SNAP29: variants seen among roughly 807,000 people sequenced by gnomAD.
SNAP29 encodes synaptosome associated protein 29.
SNAP29 carries 13 observed loss-of-function variants against 27.9 expected under a neutral mutation model. That is an observed-to-expected ratio of 0.47 (90% CI 0.30 to 0.74). The LOEUF (loss-of-function observed/expected upper bound fraction) is 0.74, where lower values mean the gene tolerates loss of function less well. Ranked by LOEUF, SNAP29 falls within the 30% of genes least tolerant of loss-of-function variation. SNAP29 has a pLI of 0.06. For synonymous variants in SNAP29, 119 were observed against 127.1 expected (o/e 0.94, Z 0.43); for missense variants, 368 against 336.5 (o/e 1.09, Z -0.73).
At chr22:20,874,412 ATGGTGGTACG>A (rs1928688833) in intron 2 of SNAP29, among the ~76,000 whole-genome samples, 1 of 147,720 alleles carries the variant, frequency 6.8e-6, no homozygotes, top group Admixed American at 6.7e-5. Context: ...TTAGCCGGAC[ATGGTGGTACG>A]TGCTTGTGGT....
intron 4 of SNAP29, among the ~76,000 whole-genome samples, chr22:20,886,878 G>T (rs1466550404): frequency 1.3e-5 from 2 of 151,988 alleles, no homozygotes; most frequent in East Asian, 3.9e-4. Flanking sequence ...CTCTCAAAGT[G>T]CTGGGATTAC....
At chr22:20,865,169 A>G (rs1273569206) in intron 1 of SNAP29, among the ~76,000 whole-genome samples, 2 of 151,976 alleles carry the variant, frequency 1.3e-5, no homozygotes, top group Non-Finnish European at 2.9e-5. Flanking sequence ...AGCCTGGGGA[A>G]TGTGGTAAAA....
At chr22:20,862,288 G>A (rs1203960961) in intron 1 of SNAP29, among the ~76,000 whole-genome samples, 1 of 152,200 alleles carries the variant, frequency 6.6e-6, no homozygotes, top group African/African-American at 2.4e-5. Context: ...AACAAATGAA[G>A]TAGGGAATCA....
At position 20,888,343 on chromosome 22, in the gene SNAP29, ACACACACACACACT is replaced by A. The variant is rs1176542350; in HGVS notation, c.*509_*522del. 1.7e-3 allele frequency: 311 copies of A among 186,398 alleles called. 2 individuals carry two copies. The highest frequency in any genetic ancestry group is 7.5e-3 in the African/African-American group (257 of 34,220). The allele number at this position is 186,398 out of a possible 1,614,324, so 11.5% of individuals were successfully genotyped here. The stretch of plus-strand genomic sequence containing the variant: ...CACACACACACACACACACACACAC[ACACACACACACACT>A]CTCTGAGCACATTATCTGTGATTCT... On this transcript the variant is annotated 3_prime_UTR_variant, in exon 5 of 5. Coordinates refer to ENST00000215730, the MANE Select transcript of SNAP29 (RefSeq NM_004782.4).
intron 4 of SNAP29, among the ~76,000 whole-genome samples, chr22:20,887,051 A>C: frequency 6.6e-6 from 1 of 151,980 alleles, no homozygotes; most frequent in Non-Finnish European, 1.5e-5. Flanking sequence ...GTGAAACCCT[A>C]TCTCTACTAA....
At position 20,886,144 on chromosome 22, in the gene SNAP29, TTTTCTC is replaced by T. The variant is rs796095915; in HGVS notation, c.620-1529_620-1524del. ...TTTTTTTTAATTTTAATTATACTGTTTTTCTCTTTCTTTTCTTTTCTTTTTTAGAAA... is the reference window on the plus strand; with the variant it reads ...TTTTTTTTAATTTTAATTATACTGTTTTTCTTTTCTTTTCTTTTTTAGAAA... On this transcript the variant is annotated intron_variant, in intron 4 of 4. Transcript: ENST00000215730. 5.4e-3 allele frequency among the ~76,000 whole-genome samples: 825 copies of T among 151,528 alleles called. 4 individuals carry two copies. The highest frequency in any genetic ancestry group is 0.018 in the African/African-American group (763 of 41,272).
intron 1 of SNAP29, 50 bp from the exon 2 acceptor site, chr22:20,870,287 G>GT: frequency 1.3e-6 from 2 of 1,568,334 alleles, no homozygotes; most frequent in Non-Finnish European, 1.8e-6. Context: ...TGACTGCCCT[G>GT]GGGGAGAGTC....
chr22:20,870,447 T>C lies in SNAP29; in HGVS notation c.348T>C (p.Phe116=), dbSNP rs113637255. The C allele has an allele frequency of 6.2e-7, 1 of 1,614,122 alleles. No homozygotes were observed. The highest frequency in any genetic ancestry group is 8.5e-7 in the Non-Finnish European group (1 of 1,180,008). ...ACATCAATAGCATTAAGAGCGTGTT[T>C]GGGGGGCTGGTCAATTACTTCAAAT... ...QKHINSIKSV[F]GGLVNYFKSK... The change falls in exon 2 of 5, where the codon TTT becomes TTC. Residue 116 remains phenylalanine, a synonymous_variant. Transcript: ENST00000215730.
chr22:20,861,470 C>T (rs1601643505), intron 1 of SNAP29, among the ~76,000 whole-genome samples: 1 of 152,014 alleles, frequency 6.6e-6, no homozygotes, highest in South Asian at 2.1e-4. Flanking sequence ...CAAAGTCTTA[C>T]TCTGTCACCC....
chr22:20,886,894 T>C (rs1283435734), intron 4 of SNAP29, among the ~76,000 whole-genome samples: 1 of 151,966 alleles, frequency 6.6e-6, no homozygotes, highest in Non-Finnish European at 1.5e-5. Flanking sequence ...ATTACAGGCA[T>C]GAGCCATTGT....
At chr22:20,886,491 T>C (rs1262384991) in intron 4 of SNAP29, among the ~76,000 whole-genome samples, 1 of 151,518 alleles carries the variant, frequency 6.6e-6, no homozygotes, top group Non-Finnish European at 1.5e-5. Context: ...GTATTTTTAG[T>C]AGAGACGGGG....
Position 20,890,015 on chromosome 22 carries a change from G to C in SNAP29, c.*2179G>C. 5.6e-6 allele frequency: 2 copies of C among 357,748 alleles called. No homozygotes were observed. Among genetic ancestry groups the C allele is most frequent in the Non-Finnish European group, 5.0e-6 (1 of 201,222 alleles). 22.2% of individuals were successfully genotyped at this position (357,748 alleles called of 1,614,324 possible). On this transcript the variant is annotated 3_prime_UTR_variant, in exon 5 of 5. Transcript: ENST00000215730. Reference sequence around the variant, plus strand: ...TTCACTTTTCTGGAAATTTGTCTTCGTCTGACATATTAGAGGGCCTCGTTT... The same window carrying C: ...TTCACTTTTCTGGAAATTTGTCTTCCTCTGACATATTAGAGGGCCTCGTTT...
rs1382647313 is a variant in SNAP29 at position 20,890,344 on chromosome 22, G to T, written c.*2508G>T. 2.5e-6 allele frequency: 1 copy of T among 398,584 alleles called. No individual in the cohort carries two copies. Among genetic ancestry groups the T allele is most frequent in the Non-Finnish European group, 4.4e-6 (1 of 226,060 alleles). The allele number at this position is 398,584 out of a possible 1,614,324, so 24.7% of individuals were successfully genotyped here. ...TGGTGCCAGGGCTGGGCTGACTGTGGGATGGGATTTGGTACTGCAGACAGA... is the reference window on the plus strand; with the variant it reads ...TGGTGCCAGGGCTGGGCTGACTGTGTGATGGGATTTGGTACTGCAGACAGA... On this transcript the variant is annotated 3_prime_UTR_variant, in exon 5 of 5. Transcript: ENST00000215730.
intron 2 of SNAP29, among the ~76,000 whole-genome samples, chr22:20,876,139 C>T (rs571837189): frequency 1.4e-3 from 209 of 148,042 alleles, no homozygotes; most frequent in Middle Eastern, 3.7e-3. Context: ...CCAGCCTGGG[C>T]GACAGAGACT....
intron 1 of SNAP29, among the ~76,000 whole-genome samples, chr22:20,867,932 A>G (rs1928498541): frequency 6.6e-6 from 1 of 152,124 alleles, no homozygotes; most frequent in Non-Finnish European, 1.5e-5. Flanking sequence ...CCTCCCTCCT[A>G]ATGTGACAGC....
chr22:20,874,689 G>C (rs1367020172), intron 2 of SNAP29, among the ~76,000 whole-genome samples: 1 of 151,912 alleles, frequency 6.6e-6, no homozygotes, highest in Admixed American at 6.6e-5. Flanking sequence ...AGGGTTGGTT[G>C]GTTTTTTTGG....
rs772339318 is a variant in SNAP29, at chr22:20,859,213, C to T, written c.103C>T (p.Pro35Ser). The T allele has an allele frequency of 8.1e-6, 13 of 1,602,946 alleles. No individual in the cohort carries two copies. The Admixed American group carries it at 1.0e-4, about 13-fold the overall frequency. Residue 35 changes from proline (P) to serine (S), a missense_variant, in exon 1 of 5, where the codon CCC (proline) becomes TCC (serine). By Grantham distance (74) the Pro-to-Ser change is moderately conservative (BLOSUM62 -1). Transcript: ENST00000215730. ...WRDARDLPDG[P>S]DAPADRQQYL... ...GGACGCCCGAGACCTCCCCGACGGG[C>T]CCGACGCGCCCGCGGACAGGCAGCA...
intron 1 of SNAP29, among the ~76,000 whole-genome samples, chr22:20,866,717 A>C (rs1928468612): frequency 6.6e-6 from 1 of 151,964 alleles, no homozygotes; most frequent in Admixed American, 6.6e-5. Context: ...CACAAGCTGC[A>C]CCCTCTGCCT....
intron 2 of SNAP29, among the ~76,000 whole-genome samples, chr22:20,874,349 C>CCACACA (rs361854): frequency 2.3e-4 from 28 of 123,494 alleles, no homozygotes; most frequent in African/African-American, 3.3e-4. Context: ...CGAAAATTAG[C>CCACACA]CACACACACA....
Sources: allele counts gnomAD v4.1 joint callset (sites outside exome capture counted in the v4.1 genomes callset), GRCh38; gene constraint gnomAD v4.1.1; transcripts MANE v1.5; gene names NCBI Gene and HGNC (gene_info 2026-07-23, HGNC 2026-07-21).